Variants in VAV3 observed in about 807,000 individuals in gnomAD.
The protein encoded by VAV3 is guanine nucleotide exchange factor VAV3.
A neutral mutation model predicts 131.2 loss-of-function variants in VAV3; 94 were observed. That is an observed-to-expected ratio of 0.72 (90% CI 0.61 to 0.85). The LOEUF is 0.85. Ranked by LOEUF, VAV3 falls within the 40% of genes least tolerant of loss-of-function variation. VAV3 has a pLI of 0.00. For synonymous variants in VAV3, 349 were observed against 342.0 expected, an observed-to-expected ratio of 1.02 and a Z score of -0.22; for missense variants, 939 against 1,002.7, an observed-to-expected ratio of 0.94 and a Z score of 0.86.
intron 20 of VAV3, among the ~76,000 whole-genome samples, chr1:107,619,325 G>C (rs912107781): frequency 2.0e-5 from 3 of 152,194 alleles, no homozygotes; most frequent in African/African-American, 7.2e-5. Context: ...TCAGGAGAGA[G>C]AGGAATCAGA....
intron 15 of VAV3, among the ~76,000 whole-genome samples, chr1:107,740,523 A>G (rs1425042060): frequency 6.6e-6 from 1 of 152,218 alleles, no homozygotes; most frequent in Non-Finnish European, 1.5e-5. Context: ...ATCCAGGTTT[A>G]TAGTTTTTTT....
intron 20 of VAV3, among the ~76,000 whole-genome samples, chr1:107,637,588 A>T (rs926940085): frequency 6.6e-6 from 1 of 152,130 alleles, no homozygotes; most frequent in Non-Finnish European, 1.5e-5. Context: ...CCGCCGCTGC[A>T]CTCCAGCCTC....
At chr1:107,745,563 G>T (rs1663290935) in intron 15 of VAV3, among the ~76,000 whole-genome samples, 1 of 152,138 alleles carries the variant, frequency 6.6e-6, no homozygotes, top group South Asian at 2.1e-4. Flanking sequence ...AGAGACAGAG[G>T]CTGAGATTTA....
At chr1:107,713,360 T>C (rs992517745) in intron 15 of VAV3, among the ~76,000 whole-genome samples, 3 of 151,938 alleles carry the variant, frequency 2.0e-5, no homozygotes, top group African/African-American at 7.2e-5. Flanking sequence ...CAAACTTTTA[T>C]TTAAATAAAA....
At chr1:107,596,102 A>T (rs1026971049) in intron 25 of VAV3, 110 bp downstream of exon 25, 93 of 1,421,476 alleles carry the variant, frequency 6.5e-5, no homozygotes, top group Non-Finnish European at 8.4e-5. Context: ...TTGCTCATGC[A>T]TTAGCGCATC....
At position 107,757,345 on chromosome 1, in the gene VAV3, G is replaced by A. The variant is rs1287095892; in HGVS notation, c.1018-16C>T. On this transcript the variant is annotated splice_polypyrimidine_tract_variant and intron_variant, in intron 10 of 26. Transcript: ENST00000370056. ...TGACCAGTTCCTATTTGGAAGATATGGTTTAGTACTACTTTCATCAAATTA... is the reference window on the plus strand; with the variant it reads ...TGACCAGTTCCTATTTGGAAGATATAGTTTAGTACTACTTTCATCAAATTA... 1.0e-5 allele frequency: 16 copies of A among 1,596,354 alleles called. No individual in the cohort carries two copies. The highest frequency in any genetic ancestry group is 1.4e-5 in the African/African-American group (1 of 74,016).
intron 1 of VAV3, among the ~76,000 whole-genome samples, chr1:107,906,424 G>A (rs536289159): frequency 2.3e-4 from 35 of 152,294 alleles, no homozygotes; most frequent in African/African-American, 8.2e-4. Context: ...CAGCACTTTG[G>A]GAGGCCGAGG....
chr1:107,587,910 T>C (rs1330791810), intron 25 of VAV3, among the ~76,000 whole-genome samples: 1 of 152,180 alleles, frequency 6.6e-6, no homozygotes, highest in East Asian at 1.9e-4. Context: ...GTTTTCAATT[T>C]AGAACATGAG....
chr1:107,784,097 T>A (rs938129088), intron 2 of VAV3, among the ~76,000 whole-genome samples: 5 of 151,790 alleles, frequency 3.3e-5, no homozygotes, highest in Admixed American at 1.3e-4. Context: ...GAATACATGT[T>A]TACTTTGTCA....
intron 25 of VAV3, among the ~76,000 whole-genome samples, chr1:107,574,963 CTGTGTG>C (rs753834313): frequency 1.5e-3 from 118 of 81,174 alleles, no homozygotes; most frequent in Admixed American, 3.6e-3. Flanking sequence ...TTGAGTTTCT[CTGTGTG>C]TGTGTGTGTG....
Position 107,848,675 on chromosome 1 carries a change from GC to G in VAV3, c.321+26225del, listed in dbSNP as rs557922458. Among the ~76,000 whole-genome samples, 66 of 152,278 alleles carry G rather than the reference GC, an allele frequency of 4.3e-4. No homozygotes were observed. The East Asian group carries it at 0.012, about 28-fold the overall frequency. ...TTGAAAATCAGCACAAGACAAGGAT[GC>G]CCTCTCTCACCACTCCTATTCAAAG... On this transcript the variant is annotated intron_variant, in intron 2 of 26. Transcript: ENST00000370056.
At chr1:107,831,143 C>A (rs897604664) in intron 2 of VAV3, among the ~76,000 whole-genome samples, 1 of 151,158 alleles carries the variant, frequency 6.6e-6, no homozygotes, top group African/African-American at 2.4e-5. Context: ...TAAATGATAG[C>A]AAAAATTTTC....
At chr1:107,745,469 T>C (rs1422195146) in intron 15 of VAV3, among the ~76,000 whole-genome samples, 2 of 152,084 alleles carry the variant, frequency 1.3e-5, no homozygotes, top group African/African-American at 4.8e-5. Context: ...CCTATGGAGG[T>C]CTGTCAGGTT....
At chr1:107,726,948 ACT>A (rs1557797521) in intron 15 of VAV3, among the ~76,000 whole-genome samples, 2 of 152,212 alleles carry the variant, frequency 1.3e-5, no homozygotes, top group Non-Finnish European at 2.9e-5. Flanking sequence ...ATACACACAC[ACT>A]CACACAATGA....
chr1:107,613,682 T>C (rs919650865), intron 21 of VAV3, among the ~76,000 whole-genome samples: 1 of 152,078 alleles, frequency 6.6e-6, no homozygotes, highest in African/African-American at 2.4e-5. Context: ...TTGTTTCTGC[T>C]GATCTTGGCA....
chr1:107,688,468 T>C (rs1659191094), intron 17 of VAV3, 62 bp from the exon 18 acceptor site: 1 of 1,607,616 alleles, frequency 6.2e-7, no homozygotes, highest in Non-Finnish European at 8.5e-7. Flanking sequence ...TTAGCAACCT[T>C]AGCTTTCTCT....
At chr1:107,900,825 TGTGGTAGTGGTGGTA>T (rs1369291714) in intron 1 of VAV3, among the ~76,000 whole-genome samples, 2 of 152,220 alleles carry the variant, frequency 1.3e-5, no homozygotes, top group East Asian at 3.8e-4. Flanking sequence ...CAAAACTATT[TGTGGTAGTGGTGGTA>T]GTGGTGCATA....
At chr1:107,732,051 A>C (rs1662275219) in intron 15 of VAV3, among the ~76,000 whole-genome samples, 1 of 152,244 alleles carries the variant, frequency 6.6e-6, no homozygotes, top group African/African-American at 2.4e-5. Flanking sequence ...TTAGATGCCC[A>C]GGAGCCCAAT....
chr1:107,644,950 C>G (rs1432552256), intron 19 of VAV3, among the ~76,000 whole-genome samples: 1 of 64,846 alleles, frequency 1.5e-5, no homozygotes, highest in Non-Finnish European at 4.0e-5. Context: ...ACTCTGTATA[C>G]TCGAGTATAC....
Sources: gnomAD v4.1 joint callset for allele counts (sites outside exome capture counted in the v4.1 genomes callset) on GRCh38, gnomAD v4.1.1 for gene constraint, MANE v1.5 for transcripts, NCBI Gene and HGNC (gene_info 2026-07-23, HGNC 2026-07-21) for gene names.